PDE1C: variants seen among roughly 807,000 people sequenced by gnomAD.
PDE1C encodes the protein phosphodiesterase 1C, also known as dual specificity calcium/calmodulin-dependent 3',5'-cyclic nucleotide phosphodiesterase 1C.
In PDE1C, 62 loss-of-function variants were observed where a neutral mutation model predicts 93.1. The observed-to-expected ratio is 0.67, with a 90% confidence interval of 0.54 to 0.82. The LOEUF (loss-of-function observed/expected upper bound fraction) is 0.82. Ranked by LOEUF, PDE1C falls within the 40% of genes least tolerant of loss-of-function variation. PDE1C has a pLI of 0.00. For missense variants in PDE1C, 742 were observed against 884.6 expected (o/e 0.84, Z 2.04); for synonymous variants, 325 against 310.1 (o/e 1.05, Z -0.50).
chr7:32,298,057 TCTCTCTCC>T (rs1190610225), intron 1 of PDE1C, among the ~76,000 whole-genome samples: 1,280 of 72,280 alleles, frequency 0.018, 422 homozygotes, highest in East Asian at 0.039. Context: ...TCTCTCTCTC[TCTCTCTCC>T]CCTCTCTCTC....
chr7:31,879,206 C>T, intron 3 of PDE1C, 28 bp from the exon 4 acceptor site: 1 of 1,595,128 alleles, frequency 6.3e-7, no homozygotes, highest in Non-Finnish European at 8.6e-7. Context: ...AATCAGCACA[C>T]TGAGATTAAA....
chr7:31,760,789 CA>C (rs1212206165), intron 17 of PDE1C, among the ~76,000 whole-genome samples: 2 of 151,756 alleles, frequency 1.3e-5, no homozygotes, highest in East Asian at 1.9e-4. Flanking sequence ...CACACACACA[CA>C]CACACCAAAC....
chr7:32,406,455 C>T (rs1785053366), intron 1 of PDE1C, among the ~76,000 whole-genome samples: 1 of 150,660 alleles, frequency 6.6e-6, no homozygotes, highest in Non-Finnish European at 1.5e-5. Context: ...GAAAAAAATG[C>T]TACTGAAAGC....
chr7:31,877,100 T>C (rs1245633910), intron 5 of PDE1C, among the ~76,000 whole-genome samples: 2 of 152,154 alleles, frequency 1.3e-5, no homozygotes, highest in East Asian at 1.9e-4. Flanking sequence ...AAGGTCAAAA[T>C]GCTACAATGT....
the PDE1C span, chr7:31,697,238 T>C: frequency 7.9e-7 from 1 of 1,262,480 alleles, no homozygotes; most frequent in Admixed American, 2.7e-5. Context: ...TGTCCTGAAG[T>C]GCTCTGGGGA....
intron 1 of PDE1C, among the ~76,000 whole-genome samples, chr7:32,378,262 G>A (rs1270224779): frequency 6.6e-6 from 1 of 152,126 alleles, no homozygotes; most frequent in Non-Finnish European, 1.5e-5. Flanking sequence ...GCAGCAGCCA[G>A]AAAGATTCTT....
In PDE1C at chr7:31,839,866, G is replaced by A. The variant is rs1457665648; in HGVS notation, c.981-1895C>T. Reference sequence around the variant, plus strand: ...AGCCTGACCAATATGGTGAAACCCCGTCTCTACTAAAAATACAAAAATTAG... The same window carrying A: ...AGCCTGACCAATATGGTGAAACCCCATCTCTACTAAAAATACAAAAATTAG... On this transcript the variant is annotated intron_variant, in intron 9 of 17. Transcript: ENST00000396191. Among the ~76,000 whole-genome samples the A allele has an allele frequency of 3.9e-5, 6 of 152,168 alleles. No homozygotes were observed. The East Asian group carries it at 5.8e-4, about 15-fold the overall frequency.
intron 1 of PDE1C, among the ~76,000 whole-genome samples, chr7:32,390,982 A>G (rs1784738368): frequency 6.6e-6 from 1 of 152,174 alleles, no homozygotes; most frequent in Non-Finnish European, 1.5e-5. Context: ...AACAAAAAAG[A>G]CACCAGCAAT....
chr7:32,125,654 C>T (rs889758769), intron 3 of PDE1C, among the ~76,000 whole-genome samples: 6 of 151,742 alleles, frequency 4.0e-5, no homozygotes, highest in East Asian at 3.9e-4. Flanking sequence ...CACTCATAAG[C>T]AGGAGTTGAA....
chr7:31,932,420 C>T (rs780804747), intron 2 of PDE1C, among the ~76,000 whole-genome samples: 11 of 152,100 alleles, frequency 7.2e-5, no homozygotes, highest in Admixed American at 2.6e-4. Context: ...TATGAGCAGA[C>T]GTTTCTCAAA....
chr7:31,978,360 G>A (rs1016615142), intron 2 of PDE1C, among the ~76,000 whole-genome samples: 6 of 152,198 alleles, frequency 3.9e-5, no homozygotes, highest in Admixed American at 2.0e-4. Flanking sequence ...GAGTACAGAT[G>A]TTTAGAAAAT....
At chr7:31,620,347 G>A in the PDE1C span, among the ~76,000 whole-genome samples, 20 of 152,130 alleles carry the variant, frequency 1.3e-4, no homozygotes, top group Admixed American at 1.2e-3. Flanking sequence ...CAGCCTAACT[G>A]GGAGGCACCC....
At chr7:31,686,464 C>CA in the PDE1C span, among the ~76,000 whole-genome samples, 1 of 152,338 alleles carries the variant, frequency 6.6e-6, no homozygotes, top group South Asian at 2.1e-4. Context: ...TTCTGGCCTG[C>CA]ACACTATAAC....
intron 2 of PDE1C, among the ~76,000 whole-genome samples, chr7:31,884,370 A>C (rs1465497331): frequency 1.3e-5 from 2 of 152,242 alleles, no homozygotes; most frequent in Non-Finnish European, 2.9e-5. Flanking sequence ...AAAAACCCAT[A>C]GATCTCTGAA....
chr7:31,828,183 T>C, intron 12 of PDE1C, 109 bp downstream of exon 12: 4 of 785,800 alleles, frequency 5.1e-6, no homozygotes, highest in Non-Finnish European at 8.6e-6. Flanking sequence ...GAGCACAACA[T>C]GGCAGAATGG....
At chr7:32,098,185 G>A (rs561032872) in intron 3 of PDE1C, among the ~76,000 whole-genome samples, 3 of 123,904 alleles carry the variant, frequency 2.4e-5, no homozygotes, top group Non-Finnish European at 4.8e-5. Context: ...AGCCGAGATC[G>A]CGCCACTGCA....
chr7:31,719,639 C>T, the PDE1C span, among the ~76,000 whole-genome samples: 1 of 152,196 alleles, frequency 6.6e-6, no homozygotes, highest in African/African-American at 2.4e-5. Context: ...CATCCCCTCA[C>T]AATGCATGGC....
the PDE1C span, among the ~76,000 whole-genome samples, chr7:31,647,932 T>G: frequency 6.6e-6 from 1 of 152,142 alleles, no homozygotes; most frequent in Non-Finnish European, 1.5e-5. Flanking sequence ...AATTAAATTT[T>G]CACATATAAG....
chr7:32,257,269 G>T (rs558749887), intron 1 of PDE1C, among the ~76,000 whole-genome samples: 1 of 152,204 alleles, frequency 6.6e-6, no homozygotes, highest in Non-Finnish European at 1.5e-5. Context: ...CTGTGGTGCT[G>T]CCCAAAAATT....
Sources: allele counts gnomAD v4.1 joint callset (sites outside exome capture counted in the v4.1 genomes callset), GRCh38; gene constraint gnomAD v4.1.1; transcripts MANE v1.5; gene names NCBI Gene and HGNC (gene_info 2026-07-23, HGNC 2026-07-21).